Variants in KIAA1586 observed in about 807,000 individuals in gnomAD.
KIAA1586 encodes the protein E3 SUMO-protein ligase KIAA1586.
Under a neutral mutation model 6.1 loss-of-function variants are expected in KIAA1586, and 5 were observed. The ratio of observed to expected loss-of-function variants is 0.82; its 90% CI spans 0.43 to 1.73. KIAA1586 has a LOEUF of 1.73. Ranked by LOEUF, KIAA1586 falls within the 40% of genes most tolerant of loss-of-function variation. The probability of loss-of-function intolerance (pLI) is 0.02; values close to 1 mark genes in which losing one functional copy is unlikely to be tolerated. For missense variants in KIAA1586, 899 were observed against 878.2 expected, an observed-to-expected ratio of 1.02 and a Z score of -0.30; for synonymous variants, 280 against 301.7, an observed-to-expected ratio of 0.93 and a Z score of 0.75.
chr6:57,054,414 T>A lies in KIAA1586; in HGVS notation c.1915T>A (p.Trp639Arg), dbSNP rs1393147406. 1 of 1,610,114 alleles carries A rather than the reference T, an allele frequency of 6.2e-7. No homozygotes were observed. Among genetic ancestry groups the A allele is most frequent in the South Asian group, 1.1e-5 (1 of 90,230 alleles). The change falls in exon 4 of 4, where the codon TGG (tryptophan) becomes AGG (arginine). Residue 639 changes from tryptophan (W) to arginine (R), a missense_variant. Coordinates refer to ENST00000370733, the MANE Select transcript of KIAA1586 (RefSeq NM_020931.4). ...NYFDLLEPST[W>R]PYEEITSPWI... ...CTTTGATTTGCTGGAACCTTCCACA[T>A]GGCCTTATGAAGAAATAACTTCACC...
the KIAA1586 span, among the ~76,000 whole-genome samples, chr6:57,066,090 A>G: frequency 1.3e-5 from 2 of 151,604 alleles, no homozygotes; most frequent in Non-Finnish European, 2.9e-5. Context: ...CAGCCTGGCC[A>G]ACATGGTGAA....
downstream of KIAA1586, among the ~76,000 whole-genome samples, chr6:57,055,637 C>G (rs961896178): frequency 6.6e-6 from 1 of 152,086 alleles, no homozygotes; most frequent in African/African-American, 2.4e-5. Context: ...TAAATTATAA[C>G]TGGTAATTGA....
rs150587796 is a variant in KIAA1586 at position 57,050,784 on chromosome 6, C to T, written c.116C>T (p.Ser39Leu). The T allele has an allele frequency of 7.3e-5, 118 of 1,611,990 alleles. No homozygotes were observed. The highest frequency in any genetic ancestry group is 2.9e-4 in the East Asian group (13 of 44,848). ...CCACTTCCTTTTTAGGAAGGACCATCGAGACCTGTTCTTGAATACATCGAT... is the reference window on the plus strand; with the variant it reads ...CCACTTCCTTTTTAGGAAGGACCATTGAGACCTGTTCTTGAATACATCGAT... ...DDIQFVSEGPSRPVLEYIDLV... is the reference protein window; with the variant it reads ...DDIQFVSEGPLRPVLEYIDLV... Residue 39 changes from serine (S) to leucine (L), a missense_variant, in exon 3 of 4, where the codon TCG becomes TTG. Physicochemically the swap from Ser to Leu is moderately radical, Grantham distance 145. Coordinates refer to ENST00000370733, the MANE Select transcript of KIAA1586 (RefSeq NM_020931.4).
downstream of KIAA1586, among the ~76,000 whole-genome samples, chr6:57,056,714 T>G (rs1274627331): frequency 6.6e-6 from 1 of 151,720 alleles, no homozygotes; most frequent in Admixed American, 6.6e-5. Flanking sequence ...TTTTTATATC[T>G]TTTTGTAGAG....
chr6:57,053,115 A>C lies in KIAA1586; in HGVS notation c.616A>C (p.Lys206Gln), dbSNP rs761494635. ...TACTAGGCAAGCTTCTCTACGAAAA[A>C]AAATTAGGGAACATGATGTTTCTAA... ...KTTRQASLRKKIREHDVSKAH... is the reference protein window; with the variant it reads ...KTTRQASLRKQIREHDVSKAH... The change falls in exon 4 of 4, where the codon AAA becomes CAA. Residue 206 changes from lysine to glutamine, a missense_variant. Coordinates refer to ENST00000370733, the MANE Select transcript of KIAA1586 (RefSeq NM_020931.4). The C allele has an allele frequency of 6.2e-7, 1 of 1,610,470 alleles. No individual in the cohort carries two copies. The highest frequency in any genetic ancestry group is 1.3e-5 in the African/African-American group (1 of 74,546).
Position 57,052,990 on chromosome 6 carries a change from G to A in KIAA1586, c.491G>A (p.Cys164Tyr). 1.2e-6 allele frequency: 2 copies of A among 1,613,874 alleles called. No homozygotes were observed. The highest frequency in any genetic ancestry group is 1.7e-6 in the Non-Finnish European group (2 of 1,179,900). Residue 164 changes from cysteine (C) to tyrosine (Y), a missense_variant, in exon 4 of 4, where the codon TGT (cysteine) becomes TAT (tyrosine). Physicochemically the swap from Cys to Tyr is radical, Grantham distance 194. Coordinates refer to ENST00000370733, the MANE Select transcript of KIAA1586 (RefSeq NM_020931.4). ...IKEGKLGCKDCSAVRHLGSKA... is the reference protein window; with the variant it reads ...IKEGKLGCKDYSAVRHLGSKA... ...GAAGGTAAATTAGGATGTAAGGATT[G>A]TTCAGCAGTTCGGCATTTGGGATCG...
downstream of KIAA1586, among the ~76,000 whole-genome samples, chr6:57,057,717 A>C (rs1231900718): frequency 6.6e-6 from 1 of 152,060 alleles, no homozygotes; most frequent in Non-Finnish European, 1.5e-5. Context: ...GCACCACTGC[A>C]CTCCTGCCTG....
chr6:57,058,900 T>C (rs575909261), downstream of KIAA1586, among the ~76,000 whole-genome samples: 1 of 152,326 alleles, frequency 6.6e-6, no homozygotes, highest in Admixed American at 6.5e-5. Flanking sequence ...ATAAGATTTA[T>C]TGAATTTACC....
rs778649734 is a variant in KIAA1586, at chr6:57,053,201, A to G, written c.702A>G (p.Leu234=). The change falls in exon 4 of 4, where the codon TTA becomes TTG. Residue 234 remains leucine, a synonymous_variant. Transcript: ENST00000370733. ...CAACTAATGATTCAATTTGTAATTT[A>G]GTGCATAAACAAAATAATAAAAATA... ...KESTNDSICN[L]VHKQNNKNID... 8.7e-6 allele frequency: 14 copies of G among 1,603,196 alleles called. No individual in the cohort carries two copies. Among genetic ancestry groups the G allele is most frequent in the Non-Finnish European group, 1.2e-5 (14 of 1,175,828 alleles).
In KIAA1586 at chr6:57,053,435, C is replaced by T. The variant is rs1226332191; in HGVS notation, c.936C>T (p.Ala312=). ...TTAAGAATATTATAGAAGAGAATGC[C>T]AAAATCTGTATCATAATTGATGAGG... ...KIFKNIIEEN[A]KICIIIDEAS... The change falls in exon 4 of 4, where the codon GCC becomes GCT. Residue 312 remains alanine (A), a synonymous_variant. Coordinates refer to ENST00000370733, the MANE Select transcript of KIAA1586 (RefSeq NM_020931.4). The T allele has an allele frequency of 1.2e-6, 2 of 1,609,662 alleles. No homozygotes were observed.
chr6:57,054,900 T>A lies in KIAA1586; in HGVS notation c.*37T>A. The A allele has an allele frequency of 4.0e-6, 6 of 1,497,366 alleles. No individual in the cohort carries two copies. Among genetic ancestry groups the A allele is most frequent in the Non-Finnish European group, 5.4e-6 (6 of 1,120,278 alleles). 92.8% of individuals were successfully genotyped at this position (1,497,366 alleles called of 1,614,324 possible). A position where few individuals can be genotyped will look rare whatever the true frequency, so the allele number is the denominator to read the frequency against. On this transcript the variant is annotated 3_prime_UTR_variant, in exon 4 of 4. Transcript: ENST00000370733. ...CGTTTTTTGTCATCTGTAAATTATG[T>A]ACTACACATCCTTTATATACATAAA...
At chr6:57,061,004 G>A in the KIAA1586 span, among the ~76,000 whole-genome samples, 1 of 148,576 alleles carries the variant, frequency 6.7e-6, no homozygotes, top group Non-Finnish European at 1.5e-5. Context: ...TTGAAACAGA[G>A]TCTTCGCTCT....
Position 57,054,060 on chromosome 6 carries a change from A to G in KIAA1586, c.1561A>G (p.Asn521Asp), listed in dbSNP as rs1405856739. Residue 521 changes from asparagine (N) to aspartate (D), a missense_variant, in exon 4 of 4, where the codon AAT (asparagine) becomes GAT (aspartate). Physicochemically the swap from Asn to Asp is conservative, Grantham distance 23. Coordinates refer to ENST00000370733, the MANE Select transcript of KIAA1586 (RefSeq NM_020931.4). ...SGLAKRLANI[N>D]FLQDLALMID... ...TTTGGCGAAGAGATTAGCTAACATT[A>G]ATTTCTTACAAGACCTTGCTTTAAT... 6.2e-7 allele frequency: 1 copy of G among 1,611,388 alleles called. No individual in the cohort carries two copies. Among genetic ancestry groups the G allele is most frequent in the South Asian group, 1.1e-5 (1 of 90,646 alleles).
intron 1 of KIAA1586, 101 bp downstream of exon 1, chr6:57,046,877 C>T: frequency 1.4e-6 from 2 of 1,467,562 alleles, no homozygotes; most frequent in African/African-American, 3.0e-5. Flanking sequence ...AGCCTCGGGG[C>T]GATACCTCTT....
rs61745826 is a variant in KIAA1586 at position 57,054,722 on chromosome 6, A to G, written c.2223A>G (p.Lys741=). Residue 741 remains lysine (K), a synonymous_variant, in exon 4 of 4, where the codon AAA becomes AAG. Coordinates refer to ENST00000370733, the MANE Select transcript of KIAA1586 (RefSeq NM_020931.4). ...TAATGACAATAAATTTACTGGGGAA[A>G]GAATTAGCAGATTGGGATGCAACAC... is the stretch of plus-strand genomic sequence containing the variant. ...SDLMTINLLG[K]ELADWDATPF... 1.3e-6 allele frequency: 2 copies of G among 1,551,384 alleles called. No individual in the cohort carries two copies. Among genetic ancestry groups the G allele is most frequent in the Non-Finnish European group, 1.7e-6 (2 of 1,146,840 alleles).
At chr6:57,064,001 C>G in the KIAA1586 span, among the ~76,000 whole-genome samples, 1 of 152,144 alleles carries the variant, frequency 6.6e-6, no homozygotes, top group African/African-American at 2.4e-5. Flanking sequence ...GGTGAGCACA[C>G]AGAGACATGT....
chr6:57,050,286 C>T (rs1351159958), intron 2 of KIAA1586, among the ~76,000 whole-genome samples: 2 of 147,950 alleles, frequency 1.4e-5, no homozygotes, highest in African/African-American at 2.5e-5. Flanking sequence ...AACAGTATTA[C>T]GTATTCATGT....
chr6:57,062,596 A>C, the KIAA1586 span, among the ~76,000 whole-genome samples: 1 of 152,224 alleles, frequency 6.6e-6, no homozygotes, highest in Non-Finnish European at 1.5e-5. Flanking sequence ...TAGTTTAACT[A>C]TACATGGAAG....
chr6:57,062,558 A>T, the KIAA1586 span, among the ~76,000 whole-genome samples: 1 of 152,174 alleles, frequency 6.6e-6, no homozygotes, highest in Admixed American at 6.6e-5. Flanking sequence ...GTATTCCTAG[A>T]AGACTTCCCA....
Sources: gnomAD v4.1 joint callset for allele counts (sites outside exome capture counted in the v4.1 genomes callset) on GRCh38, gnomAD v4.1.1 for gene constraint, MANE v1.5 for transcripts, NCBI Gene and HGNC (gene_info 2026-07-23, HGNC 2026-07-21) for gene names.